The following FMN2 variants were observed in gnomAD, a reference collection of about 807,000 sequenced individuals.
FMN2 encodes the protein formin-2.
Under a neutral mutation model 142.3 loss-of-function variants are expected in FMN2, and 51 were observed. That is an observed-to-expected ratio of 0.36 (90% CI 0.29 to 0.45). The LOEUF (loss-of-function observed/expected upper bound fraction) is 0.45, where lower values mean the gene tolerates loss of function less well. Among genes scored for constraint, FMN2 ranks in the 20% least tolerant of loss-of-function variants. The pLI is 1.00. For missense variants in FMN2, 1,936 were observed against 2,122.8 expected (o/e 0.91, Z 1.73); for synonymous variants, 882 against 869.8 (o/e 1.01, Z -0.25).
intron 15 of FMN2, among the ~76,000 whole-genome samples, chr1:240,427,469 T>G (rs1055593349): frequency 2.6e-5 from 4 of 152,152 alleles, no homozygotes; most frequent in Non-Finnish European, 4.4e-5. Flanking sequence ...CCTCCCAAAG[T>G]GCTGGGATTA....
intron 2 of FMN2, among the ~76,000 whole-genome samples, chr1:240,165,596 TTTTG>T (rs1424246031): frequency 6.6e-6 from 1 of 151,956 alleles, no homozygotes; most frequent in African/African-American, 2.4e-5. Context: ...TCCTATTGAT[TTTTG>T]TTTATTTTTT....
chr1:240,135,817 C>T (rs1447114241), intron 2 of FMN2, among the ~76,000 whole-genome samples: 2 of 151,552 alleles, frequency 1.3e-5, no homozygotes, highest in African/African-American at 4.8e-5. Flanking sequence ...GTAGCTGGGA[C>T]TACAGGTACA....
At position 240,413,120 on chromosome 1, in the gene FMN2, C is replaced by CAAAAAA. The variant is rs35590068; in HGVS notation, c.4910+20582_4910+20587dup. 4.9e-3 allele frequency among the ~76,000 whole-genome samples: 120 copies of CAAAAAA among 24,578 alleles called. 1 individual carries two copies. Among genetic ancestry groups the CAAAAAA allele is most frequent in the South Asian group, 0.011 (2 of 174 alleles). 16.1% of individuals were successfully genotyped at this position (24,578 alleles called of 152,430 possible). ...CCTGGGCGACAAAGCGAGACTCTGT[C>CAAAAAA]AAAAAAAAAAAAAAAAAAAAAAAAA... is the stretch of plus-strand genomic sequence containing the variant. On this transcript the variant is annotated intron_variant, in intron 15 of 17. Coordinates refer to ENST00000319653, the MANE Select transcript of FMN2 (RefSeq NM_020066.5).
At chr1:240,299,304 T>C (rs1670110162) in intron 8 of FMN2, among the ~76,000 whole-genome samples, 1 of 152,196 alleles carries the variant, frequency 6.6e-6, no homozygotes, top group South Asian at 2.1e-4. Context: ...TCATAATAAT[T>C]ACTACTTAAA....
chr1:240,216,764 T>C (rs528024251), intron 6 of FMN2, among the ~76,000 whole-genome samples: 115 of 152,242 alleles, frequency 7.6e-4, no homozygotes, highest in Admixed American at 1.3e-3. Context: ...CCTGACAACA[T>C]GGTGAAACCC....
At chr1:240,119,780 T>C (rs563452068) in intron 1 of FMN2, among the ~76,000 whole-genome samples, 1 of 152,328 alleles carries the variant, frequency 6.6e-6, no homozygotes, top group African/African-American at 2.4e-5. Context: ...TTTGGCTGGA[T>C]GTGCACGTAC....
rs142232913 is a variant in FMN2, at chr1:240,092,871, G to A, written c.762G>A (p.Leu254=). The A allele has an allele frequency of 0.011, 17,323 of 1,531,298 alleles. 124 individuals are homozygous for A. Among genetic ancestry groups the A allele is most frequent in the Middle Eastern group, 0.015 (68 of 4,422 alleles). 94.9% of individuals were successfully genotyped at this position (1,531,298 alleles called of 1,614,324 possible). A position where few individuals can be genotyped will look rare whatever the true frequency, so the allele number is the denominator to read the frequency against. The change falls in exon 1 of 18, where the codon CTG becomes CTA. Residue 254 remains leucine, a synonymous_variant. Coordinates refer to ENST00000319653, the MANE Select transcript of FMN2 (RefSeq NM_020066.5). ...TCCTGGGCCTGGACCGGTTCCTGCTGGGGCCGAGCGGCGGGGCTGGGGAGG... is the reference window on the plus strand; with the variant it reads ...TCCTGGGCCTGGACCGGTTCCTGCTAGGGCCGAGCGGCGGGGCTGGGGAGG... ...GAFLGLDRFL[L]GPSGGAGEAP...
intron 13 of FMN2, among the ~76,000 whole-genome samples, chr1:240,353,366 G>A (rs1672160975): frequency 6.6e-6 from 1 of 152,114 alleles, no homozygotes; most frequent in Non-Finnish European, 1.5e-5. Context: ...TAGGTAATTA[G>A]CCCCAAATCG....
At chr1:240,216,919 A>C (rs1317771425) in intron 6 of FMN2, among the ~76,000 whole-genome samples, 1 of 151,892 alleles carries the variant, frequency 6.6e-6, no homozygotes, top group Admixed American at 6.6e-5. Flanking sequence ...ACTACACTCC[A>C]GCCTGGGCAA....
chr1:240,236,492 CAAAGA>C (rs969945638), intron 6 of FMN2, among the ~76,000 whole-genome samples: 9 of 152,148 alleles, frequency 5.9e-5, no homozygotes, highest in African/African-American at 2.2e-4. Context: ...GGGTATTTTA[CAAAGA>C]AAAGAGGTTT....
At chr1:240,472,112 T>C (rs1676830736) in intron 16 of FMN2, 2 of 358,348 alleles carry the variant, frequency 5.6e-6, no homozygotes, top group Non-Finnish European at 9.9e-6. Flanking sequence ...ACACTCTGCA[T>C]AGAAATTCTT....
rs529071493 is a variant in FMN2 at position 240,241,640 on chromosome 1, C to T, written c.4066-16305C>T. Reference sequence around the variant, plus strand: ...TTACAGATGTGATTTATGCGTGTCACGCTGCTGGGACATTTAATTACTCTA... The same window carrying T: ...TTACAGATGTGATTTATGCGTGTCATGCTGCTGGGACATTTAATTACTCTA... On this transcript the variant is annotated intron_variant, in intron 6 of 17. Coordinates refer to ENST00000319653, the MANE Select transcript of FMN2 (RefSeq NM_020066.5). 3.3e-5 allele frequency among the ~76,000 whole-genome samples: 5 copies of T among 152,212 alleles called. No homozygotes were observed. The East Asian group carries it at 5.8e-4, about 18-fold the overall frequency.
intron 15 of FMN2, among the ~76,000 whole-genome samples, chr1:240,426,751 T>G (rs1674947372): frequency 6.6e-6 from 1 of 152,180 alleles, no homozygotes; most frequent in Non-Finnish European, 1.5e-5. Flanking sequence ...TTTATTTATT[T>G]TTAAGATGCA....
At chr1:240,216,506 G>T (rs996113199) in intron 6 of FMN2, among the ~76,000 whole-genome samples, 2 of 152,126 alleles carry the variant, frequency 1.3e-5, no homozygotes, top group Non-Finnish European at 2.9e-5. Flanking sequence ...GGGAGAAAAA[G>T]TATGACAGTT....
chr1:240,190,386 G>A (rs191081794), intron 4 of FMN2, among the ~76,000 whole-genome samples: 374 of 152,192 alleles, frequency 2.5e-3, no homozygotes, highest in Non-Finnish European at 4.5e-3. Context: ...TTTATTTTAC[G>A]GGCTGATTCT....
intron 1 of FMN2, among the ~76,000 whole-genome samples, chr1:240,109,068 T>C (rs1373543982): frequency 6.6e-6 from 1 of 152,058 alleles, no homozygotes; most frequent in Non-Finnish European, 1.5e-5. Context: ...AAAACCCACA[T>C]GCACACAAGG....
At chr1:240,342,181 A>G (rs1037253292) in intron 13 of FMN2, among the ~76,000 whole-genome samples, 1 of 152,084 alleles carries the variant, frequency 6.6e-6, no homozygotes, top group Non-Finnish European at 1.5e-5. Flanking sequence ...AAAGCATACT[A>G]TGTCTGCTTA....
chr1:240,405,687 G>C (rs1674127778), intron 15 of FMN2, among the ~76,000 whole-genome samples: 1 of 151,832 alleles, frequency 6.6e-6, no homozygotes, highest in African/African-American at 2.4e-5. Context: ...TGTCCATCTT[G>C]AGAAAATACG....
intron 2 of FMN2, chr1:240,171,041 T>A: frequency 1.9e-6 from 2 of 1,033,424 alleles, no homozygotes; most frequent in South Asian, 2.5e-5. Context: ...GTCAGTGTGG[T>A]GGTTGGAGTA....
Sources: gnomAD v4.1 joint callset for allele counts (sites outside exome capture counted in the v4.1 genomes callset) on GRCh38, gnomAD v4.1.1 for gene constraint, MANE v1.5 for transcripts, NCBI Gene and HGNC (gene_info 2026-07-23, HGNC 2026-07-21) for gene names.